The following WNK3 variants were observed in gnomAD, a reference collection of about 807,000 sequenced individuals.
The protein encoded by WNK3 is WNK lysine deficient protein kinase 3, also known as serine/threonine-protein kinase WNK3.
WNK3 carries 18 observed loss-of-function variants against 116.7 expected under a neutral mutation model. The ratio of observed to expected loss-of-function variants is 0.15; its 90% CI spans 0.11 to 0.23. The LOEUF (loss-of-function observed/expected upper bound fraction) is 0.23. Among genes scored for constraint, WNK3 ranks in the 10% least tolerant of loss-of-function variants. The pLI is 1.00. For synonymous variants in WNK3, 404 were observed against 469.4 expected (o/e 0.86, Z 1.80); for missense variants, 993 against 1,323.8 (o/e 0.75, Z 3.88).
chrX:54,219,393 G>C (rs1452148373), intron 22 of WNK3, among the ~76,000 whole-genome samples: 1 of 110,124 alleles, frequency 9.1e-6, no homozygotes, highest in Non-Finnish European at 1.9e-5. Flanking sequence ...AAATGAAGGA[G>C]ACCCGGCCAG....
intron 1 of WNK3, among the ~76,000 whole-genome samples, chrX:54,346,107 T>TAC (rs782394853): frequency 1.2e-4 from 6 of 48,286 alleles, no homozygotes; most frequent in South Asian, 1.5e-3. Flanking sequence ...TATATATATA[T>TAC]ACACACACAC....
At chrX:54,226,552 T>G (rs1262643559) in intron 22 of WNK3, among the ~76,000 whole-genome samples, 4 of 92,836 alleles carry the variant, frequency 4.3e-5, no homozygotes, top group Non-Finnish European at 8.6e-5. Flanking sequence ...GAAGAAAATA[T>G]AGGAATAGGC....
intron 2 of WNK3, among the ~76,000 whole-genome samples, chrX:54,316,892 A>C (rs1264774919): frequency 4.5e-5 from 5 of 111,630 alleles, no homozygotes; most frequent in African/African-American, 1.6e-4. Context: ...TGGTTCCTCA[A>C]CATATTAAAC....
intron 22 of WNK3, among the ~76,000 whole-genome samples, chrX:54,219,532 G>C (rs1346440120): frequency 9.2e-6 from 1 of 108,516 alleles, no homozygotes; most frequent in Non-Finnish European, 1.9e-5. Flanking sequence ...ACAAAAATTA[G>C]CCAGGCCTAG....
chrX:54,280,311 T>A (rs923925052), intron 10 of WNK3, among the ~76,000 whole-genome samples: 8 of 107,563 alleles, frequency 7.4e-5, no homozygotes, highest in East Asian at 5.9e-4. Flanking sequence ...AAAAAAAAAA[T>A]ATAAATTGGA....
chrX:54,194,544 T>C (rs1190917987), exon 24 of WNK3: 1 of 111,710 alleles, frequency 9.0e-6, no homozygotes, highest in Admixed American at 9.6e-5. Flanking sequence ...CTCCTACACC[T>C]AAATCCTATA....
Position 54,248,751 on chromosome X carries a change from C to A in WNK3, c.3597G>T (p.Val1199=), listed in dbSNP as rs782430113. The A allele has an allele frequency of 1.3e-5, 16 of 1,210,089 alleles. No individual in the cohort carries two copies. In the South Asian group the frequency reaches 2.5e-4, roughly 19 times the overall value. The change falls in exon 17 of 24, where the codon GTG becomes GTT. Residue 1199 remains valine, a synonymous_variant. Coordinates refer to ENST00000354646, the Ensembl canonical transcript of WNK3. ...TTATCACATTCAGGTCCCTTTTGAA[C>A]ACTGATATATTAGCAGGCTGACTTG...
intron 1 of WNK3, among the ~76,000 whole-genome samples, chrX:54,354,076 ACT>A (rs1265137093): frequency 9.4e-6 from 1 of 105,995 alleles, no homozygotes; most frequent in Non-Finnish European, 1.9e-5. Flanking sequence ...ACAGAGCAAA[ACT>A]CTGTCTCAAA....
At chrX:54,300,046 G>A (rs2068742358) in intron 6 of WNK3, among the ~76,000 whole-genome samples, 1 of 110,718 alleles carries the variant, frequency 9.0e-6, no homozygotes, top group Non-Finnish European at 1.9e-5. Flanking sequence ...TTCTTGTAGA[G>A]ATGGGGTTTC....
chrX:54,243,695 C>T (rs1264887025), intron 17 of WNK3, among the ~76,000 whole-genome samples: 1 of 111,730 alleles, frequency 9.0e-6, no homozygotes, highest in African/African-American at 3.3e-5. Flanking sequence ...GGAACCCTCA[C>T]ATTGTGCTGG....
rs782449249 is a variant in WNK3 at position 54,302,109 on chromosome X, G to GTT, written c.1090-252_1090-251dup. Reference sequence around the variant, plus strand: ...ACAGAGGCAAAGTTACACATATTATGTTATATATATAGTATGATTTTCAAA... The same window carrying GTT: ...ACAGAGGCAAAGTTACACATATTATGTTTTATATATATAGTATGATTTTCAAA... On this transcript the variant is annotated intron_variant, in intron 5 of 23. Coordinates refer to ENST00000354646, the Ensembl canonical transcript of WNK3. 7.2e-5 allele frequency among the ~76,000 whole-genome samples: 8 copies of GTT among 110,581 alleles called. No homozygotes were observed. In the East Asian group the frequency reaches 2.3e-3, roughly 31 times the overall value.
chrX:54,235,126 A>G, intron 20 of WNK3, among the ~76,000 whole-genome samples: 1 of 111,949 alleles, frequency 8.9e-6, no homozygotes, highest in East Asian at 2.8e-4. Flanking sequence ...ATAATTATCT[A>G]TCATTGGAAT....
intron 6 of WNK3, among the ~76,000 whole-genome samples, chrX:54,299,205 C>T (rs781884152): frequency 7.2e-5 from 8 of 111,560 alleles, no homozygotes; most frequent in African/African-American, 2.3e-4. Context: ...TGATGTACTG[C>T]ATAATGTCTA....
chrX:54,280,976 C>G lies in WNK3; in HGVS notation c.2037+11912G>C, dbSNP rs3021279. On this transcript the variant is annotated intron_variant, in intron 10 of 23. Transcript: ENST00000354646. ...AAAAAAAAAGATTTTCTGAGAACTA[C>G]AAAATACTGCTGAAATTAAAAACCA... Among the ~76,000 whole-genome samples the G allele has an allele frequency of 2.0e-3, 227 of 111,210 alleles. 1 individual carries two copies. The highest frequency in any genetic ancestry group is 7.0e-3 in the African/African-American group (213 of 30,642).
exon 2 of WNK3, chrX:54,333,623 A>G: frequency 8.3e-7 from 1 of 1,204,057 alleles, no homozygotes; most frequent in Non-Finnish European, 1.1e-6. Flanking sequence ...AAATTCCATC[A>G]GGTTTCTCAG....
intron 1 of WNK3, among the ~76,000 whole-genome samples, chrX:54,345,015 C>A (rs1162957699): frequency 9.2e-6 from 1 of 108,777 alleles, no homozygotes; most frequent in Non-Finnish European, 1.9e-5. Flanking sequence ...TCTGGGAGGC[C>A]GAGGCGGGCG....
exon 24 of WNK3, chrX:54,197,603 T>TA (rs2067456938): frequency 9.2e-6 from 1 of 109,286 alleles, no homozygotes; most frequent in South Asian, 4.1e-4. Flanking sequence ...CTGGCGCCTG[T>TA]AGTCCCAGCT....
chrX:54,215,608 C>A (rs2067681295), intron 22 of WNK3, among the ~76,000 whole-genome samples: 1 of 111,902 alleles, frequency 8.9e-6, no homozygotes, highest in Non-Finnish European at 1.9e-5. Context: ...GCCCGGCCGC[C>A]ACCCCGTCTA....
intron 1 of WNK3, among the ~76,000 whole-genome samples, chrX:54,344,572 A>G (rs1242739065): frequency 8.8e-6 from 1 of 113,450 alleles, no homozygotes; most frequent in African/African-American, 3.2e-5. Flanking sequence ...AAACATATGA[A>G]TAACTCACTG....
Sources: gnomAD v4.1 joint callset for allele counts (sites outside exome capture counted in the v4.1 genomes callset) on GRCh38, gnomAD v4.1.1 for gene constraint, MANE v1.5 for transcripts, NCBI Gene and HGNC (gene_info 2026-07-23, HGNC 2026-07-21) for gene names.